GPC6: variants seen among roughly 807,000 people sequenced by gnomAD.
GPC6 encodes glypican-6.
Under a neutral mutation model 55.2 loss-of-function variants are expected in GPC6, and 14 were observed. That is an observed-to-expected ratio of 0.25 (90% CI 0.17 to 0.40). The LOEUF (loss-of-function observed/expected upper bound fraction) is 0.40, where lower values mean the gene tolerates loss of function less well. GPC6 is among the 10% of genes least tolerant of loss of function. The pLI is 1.00. For missense variants in GPC6, 641 were observed against 708.5 expected (o/e 0.90, Z 1.08); for synonymous variants, 278 against 259.6 (o/e 1.07, Z -0.68).
intron 1 of GPC6, among the ~76,000 whole-genome samples, chr13:93,322,437 T>C (rs1195241606): frequency 2.8e-5 from 4 of 141,698 alleles, no homozygotes; most frequent in East Asian, 2.1e-4. Flanking sequence ...TCTTCTTTTT[T>C]TTTTTTTTTT....
chr13:93,375,034 C>T (rs1344020015), intron 1 of GPC6, among the ~76,000 whole-genome samples: 3 of 152,146 alleles, frequency 2.0e-5, no homozygotes, highest in Non-Finnish European at 4.4e-5. Context: ...TTCTTCCATT[C>T]GTCTGTCCCT....
chr13:94,274,289 ATTTG>A (rs1274220941), intron 4 of GPC6, among the ~76,000 whole-genome samples: 6 of 152,144 alleles, frequency 3.9e-5, no homozygotes, highest in African/African-American at 1.2e-4. Flanking sequence ...TAGTTTGTAT[ATTTG>A]TTCTCTCCTC....
chr13:93,405,646 C>CT (rs34596997), intron 1 of GPC6, among the ~76,000 whole-genome samples: 30,826 of 149,716 alleles, frequency 0.21, 3,179 homozygotes, highest in Non-Finnish European at 0.24. Context: ...CAATATAATC[C>CT]TTTTTTTTTT....
intron 2 of GPC6, among the ~76,000 whole-genome samples, chr13:93,613,697 C>G (rs573263654): frequency 3.7e-4 from 57 of 152,264 alleles, no homozygotes; most frequent in African/African-American, 1.3e-3. Flanking sequence ...GATGAACTTG[C>G]TTCTTGCTCC....
intron 2 of GPC6, among the ~76,000 whole-genome samples, chr13:93,662,448 G>A (rs1880962672): frequency 1.3e-5 from 2 of 152,042 alleles, no homozygotes; most frequent in African/African-American, 4.8e-5. Context: ...TGGCCAACAT[G>A]GTGAAACCCT....
chr13:93,418,391 C>G (rs1400821998), intron 1 of GPC6, among the ~76,000 whole-genome samples: 1 of 151,140 alleles, frequency 6.6e-6, no homozygotes, highest in Admixed American at 6.6e-5. Context: ...ATTAATAACA[C>G]TATACCGTAG....
At chr13:94,365,571 T>G (rs1166453890) in intron 6 of GPC6, among the ~76,000 whole-genome samples, 1 of 152,220 alleles carries the variant, frequency 6.6e-6, no homozygotes, top group African/African-American at 2.4e-5. Context: ...TGGCTGCCTA[T>G]TCCATAAAAG....
chr13:93,987,389 C>T (rs1422113041), intron 3 of GPC6, among the ~76,000 whole-genome samples: 1 of 152,110 alleles, frequency 6.6e-6, no homozygotes. Context: ...TAATAAGAAA[C>T]AGTTATTAAA....
At chr13:93,235,152 T>A (rs562356343) in intron 1 of GPC6, among the ~76,000 whole-genome samples, 16 of 152,284 alleles carry the variant, frequency 1.1e-4, no homozygotes, top group African/African-American at 3.6e-4. Flanking sequence ...CATTACTGAT[T>A]ATAATAACAA....
chr13:94,133,430 A>G (rs1887075115), intron 4 of GPC6, among the ~76,000 whole-genome samples: 1 of 152,178 alleles, frequency 6.6e-6, no homozygotes, highest in South Asian at 2.1e-4. Context: ...AAAATAAAAA[A>G]TCAAATTAAA....
chr13:93,306,987 A>G (rs1480553956), intron 1 of GPC6, among the ~76,000 whole-genome samples: 1 of 152,166 alleles, frequency 6.6e-6, no homozygotes, highest in Non-Finnish European at 1.5e-5. Flanking sequence ...AATGAAGCTT[A>G]GAAGATCAGT....
chr13:93,405,277 G>A (rs375329512), intron 1 of GPC6, among the ~76,000 whole-genome samples: 4 of 152,028 alleles, frequency 2.6e-5, no homozygotes, highest in Admixed American at 6.6e-5. Flanking sequence ...TTTAATTACC[G>A]GATCTGAGAT....
At chr13:93,634,154 A>C (rs1007031750) in intron 2 of GPC6, among the ~76,000 whole-genome samples, 9 of 152,160 alleles carry the variant, frequency 5.9e-5, no homozygotes, top group Non-Finnish European at 1.3e-4. Flanking sequence ...AATAAGTGTG[A>C]TCTTAAATGT....
chr13:93,996,782 AT>A (rs1316067936), intron 3 of GPC6, among the ~76,000 whole-genome samples: 8 of 152,076 alleles, frequency 5.3e-5, no homozygotes, highest in African/African-American at 1.9e-4. Flanking sequence ...TTGAAATTGC[AT>A]TTGTTTTTCT....
intron 3 of GPC6, among the ~76,000 whole-genome samples, chr13:93,866,939 A>G (rs1888983720): frequency 6.6e-6 from 1 of 151,814 alleles, no homozygotes; most frequent in Non-Finnish European, 1.5e-5. Flanking sequence ...ATTTTTAGCA[A>G]AAATTAAAGT....
intron 2 of GPC6, among the ~76,000 whole-genome samples, chr13:93,736,488 A>G (rs976494441): frequency 2.0e-5 from 3 of 152,204 alleles, no homozygotes; most frequent in Non-Finnish European, 4.4e-5. Flanking sequence ...ATTAGAAAAC[A>G]GTCTGAATAA....
chr13:94,237,294 CCCTT>C (rs10567847), intron 4 of GPC6, among the ~76,000 whole-genome samples: 15,194 of 151,784 alleles, frequency 0.1, 1,043 homozygotes, highest in African/African-American at 0.19. Flanking sequence ...CTTTCTTCCT[CCCTT>C]CCTTCCTTCT....
chr13:94,065,102 T>G (rs1431336759), intron 4 of GPC6, among the ~76,000 whole-genome samples: 1 of 152,216 alleles, frequency 6.6e-6, no homozygotes, highest in African/African-American at 2.4e-5. Flanking sequence ...TACCCATTTT[T>G]TTTTTGTGAT....
At chr13:93,362,690 AT>A (rs11333261) in intron 1 of GPC6, among the ~76,000 whole-genome samples, 40,142 of 139,808 alleles carry the variant, frequency 0.29, 7,100 homozygotes, top group East Asian at 0.78. Flanking sequence ...AAAAAAAAAA[AT>A]TTTTTTTAAA....
Sources: allele counts gnomAD v4.1 joint callset (sites outside exome capture counted in the v4.1 genomes callset), GRCh38; gene constraint gnomAD v4.1.1; transcripts MANE v1.5; gene names NCBI Gene and HGNC (gene_info 2026-07-23, HGNC 2026-07-21).